Variants in EDNRA observed in about 807,000 individuals in gnomAD.
The protein encoded by EDNRA is endothelin-1 receptor.
Under a neutral mutation model 41.4 loss-of-function variants are expected in EDNRA, and 11 were observed. That is an observed-to-expected ratio of 0.27 (90% CI 0.17 to 0.44). The LOEUF is 0.44. Among genes scored for constraint, EDNRA ranks in the 20% least tolerant of loss-of-function variants. The probability of loss-of-function intolerance (pLI) is 1.00; values close to 1 mark genes in which losing one functional copy is unlikely to be tolerated. For synonymous variants in EDNRA, 172 were observed against 183.0 expected, an observed-to-expected ratio of 0.94 and a Z score of 0.49; for missense variants, 294 against 531.0, an observed-to-expected ratio of 0.55 and a Z score of 4.39.
At chr4:147,526,618 A>G (rs1369243001) in intron 3 of EDNRA, among the ~76,000 whole-genome samples, 1 of 152,182 alleles carries the variant, frequency 6.6e-6, no homozygotes, top group Non-Finnish European at 1.5e-5. Context: ...AGAAGTGGTA[A>G]AGCATTTGCA....
At chr4:147,496,627 A>G (rs553617388) in intron 2 of EDNRA, among the ~76,000 whole-genome samples, 6 of 152,336 alleles carry the variant, frequency 3.9e-5, no homozygotes, top group African/African-American at 7.2e-5. Context: ...CTGACTTCTA[A>G]CAGCATGAAT....
chr4:147,536,054 T>C (rs1333280649), intron 5 of EDNRA, 25 bp downstream of exon 5: 1 of 1,613,316 alleles, frequency 6.2e-7, no homozygotes, highest in Non-Finnish European at 8.5e-7. Context: ...ATCATGAAAA[T>C]CTGGCCAGGA....
At chr4:147,484,907 A>G (rs1180996089) in intron 1 of EDNRA, among the ~76,000 whole-genome samples, 1 of 152,272 alleles carries the variant, frequency 6.6e-6, no homozygotes, top group Non-Finnish European at 1.5e-5. Context: ...GGTGTTAACC[A>G]GAGTTCTCAT....
At chr4:147,525,001 T>C (rs779239887) in intron 3 of EDNRA, among the ~76,000 whole-genome samples, 1 of 152,270 alleles carries the variant, frequency 6.6e-6, no homozygotes, top group Non-Finnish European at 1.5e-5. Flanking sequence ...TGCTTTCATT[T>C]TATGAGCTGA....
intron 2 of EDNRA, among the ~76,000 whole-genome samples, chr4:147,515,151 A>T (rs1377081372): frequency 6.6e-6 from 1 of 152,134 alleles, no homozygotes; most frequent in Non-Finnish European, 1.5e-5. Flanking sequence ...CCCAACTCCA[A>T]AGATTCTAAT....
At chr4:147,509,166 G>C (rs1260753327) in intron 2 of EDNRA, among the ~76,000 whole-genome samples, 1 of 152,064 alleles carries the variant, frequency 6.6e-6, no homozygotes, top group East Asian at 1.9e-4. Flanking sequence ...AAATGCAGTT[G>C]TTTTCTGCAT....
At chr4:147,532,325 C>CAAAAAAAAAAAAAAAAAAA (rs59851236) in intron 3 of EDNRA, among the ~76,000 whole-genome samples, 181 bp from the exon 4 acceptor site, 4 of 60,390 alleles carry the variant, frequency 6.6e-5, no homozygotes, top group African/African-American at 2.5e-4. Flanking sequence ...GATTTTGCCT[C>CAAAAAAAAAAAAAAAAAAA]AAAAAAAAAA....
At chr4:147,506,609 T>C in intron 2 of EDNRA, 1 of 301,188 alleles carries the variant, frequency 3.3e-6, no homozygotes, top group Non-Finnish European at 6.7e-6. Flanking sequence ...ATATCAATAT[T>C]ATCATCTTAA....
At chr4:147,481,665 C>A (rs555771931) in intron 1 of EDNRA, among the ~76,000 whole-genome samples, 1 of 152,326 alleles carries the variant, frequency 6.6e-6, no homozygotes, top group East Asian at 1.9e-4. Flanking sequence ...GAAGAGGAAG[C>A]CCAATAGTTT....
chr4:147,505,222 A>C (rs905328122), intron 2 of EDNRA, among the ~76,000 whole-genome samples: 1 of 143,736 alleles, frequency 7.0e-6, no homozygotes, highest in African/African-American at 2.7e-5. Flanking sequence ...AAAAAGAGAG[A>C]GAGAGAGAGA....
intron 3 of EDNRA, 74 bp from the exon 4 acceptor site, chr4:147,532,432 C>A (rs1730783479): frequency 2.9e-6 from 4 of 1,359,686 alleles, no homozygotes; most frequent in Non-Finnish European, 4.2e-6. Flanking sequence ...AACTTCCCAG[C>A]ACTTACAATT....
intron 2 of EDNRA, chr4:147,493,848 TA>T (rs1489439175): frequency 6.6e-6 from 1 of 152,158 alleles, no homozygotes; most frequent in African/African-American, 2.4e-5. Context: ...AAAAATTAAA[TA>T]AATAAATTTG....
intron 4 of EDNRA, among the ~76,000 whole-genome samples, chr4:147,535,198 T>C (rs1372016308): frequency 6.6e-6 from 1 of 152,246 alleles, no homozygotes; most frequent in East Asian, 1.9e-4. Context: ...TAAAACCGAA[T>C]AATCTCGGTA....
intron 2 of EDNRA, chr4:147,506,383 C>A: frequency 2.4e-6 from 1 of 412,050 alleles, no homozygotes; most frequent in East Asian, 6.0e-5. Context: ...CAACAGACTG[C>A]CAGTGAAAAG....
intron 3 of EDNRA, among the ~76,000 whole-genome samples, chr4:147,523,567 T>A (rs536766889): frequency 1.8e-4 from 27 of 150,796 alleles, no homozygotes; most frequent in Admixed American, 6.0e-4. Flanking sequence ...CTCGGCTCAC[T>A]GCAAGCTCCG....
intron 2 of EDNRA, chr4:147,489,239 G>A (rs1729052145): frequency 6.6e-6 from 1 of 152,074 alleles, no homozygotes; most frequent in Non-Finnish European, 1.5e-5. Flanking sequence ...GTGAAGTCAA[G>A]GCTTTTAGGG....
At chr4:147,498,140 A>G (rs1729378736) in intron 2 of EDNRA, among the ~76,000 whole-genome samples, 1 of 152,258 alleles carries the variant, frequency 6.6e-6, no homozygotes, top group Non-Finnish European at 1.5e-5. Context: ...ATGAAATGGA[A>G]TCATCTTACA....
intron 1 of EDNRA, among the ~76,000 whole-genome samples, chr4:147,482,301 G>C (rs1415858337): frequency 1.3e-5 from 2 of 152,172 alleles, no homozygotes; most frequent in Admixed American, 6.5e-5. Flanking sequence ...TTGATCCTGA[G>C]AGTCTCATAT....
At chr4:147,493,488 G>A (rs1397901464) in intron 2 of EDNRA, 1 of 152,138 alleles carries the variant, frequency 6.6e-6, no homozygotes, top group Non-Finnish European at 1.5e-5. Flanking sequence ...TTTGAGACTG[G>A]AGTGGTTAAA....
Sources: gnomAD v4.1 joint callset for allele counts (sites outside exome capture counted in the v4.1 genomes callset) on GRCh38, gnomAD v4.1.1 for gene constraint, MANE v1.5 for transcripts, NCBI Gene and HGNC (gene_info 2026-07-23, HGNC 2026-07-21) for gene names.